Variants in PALMD observed in about 807,000 individuals in gnomAD.
PALMD encodes the protein paralemmin-like protein.
In PALMD, 42 loss-of-function variants were observed where a neutral mutation model predicts 56.2. The observed-to-expected ratio is 0.75, with a 90% CI of 0.58 to 0.97. The LOEUF is 0.97. Among genes scored for constraint, PALMD ranks in the 50% least tolerant of loss-of-function variants. The probability of loss-of-function intolerance (pLI) is 0.00; values close to 1 mark genes in which losing one functional copy is unlikely to be tolerated. For missense variants in PALMD, 660 were observed against 643.8 expected, an observed-to-expected ratio of 1.03 and a Z score of -0.27; for synonymous variants, 242 against 222.9, an observed-to-expected ratio of 1.09 and a Z score of -0.76.
Position 99,686,660 on chromosome 1 carries a change from AC to A in PALMD, c.252-14del. 3 of 1,311,656 alleles carry A rather than the reference AC, an allele frequency of 2.3e-6. No individual in the cohort carries two copies. The highest frequency in any genetic ancestry group is 2.4e-5 in the South Asian group (2 of 81,664). 81.3% of individuals were successfully genotyped at this position (1,311,656 alleles called of 1,614,324 possible). On this transcript the variant is annotated splice_polypyrimidine_tract_variant and intron_variant, in intron 3 of 7. Transcript: ENST00000263174. ...TACTGTGTTAAGCAATAAAAAGTAT[AC>A]CTTTTTGTTGTCAGGCTTGAGAAAG...
At chr1:99,683,050 AAGAAAGAGAGAGAG>A (rs1224973136) in intron 3 of PALMD, among the ~76,000 whole-genome samples, 1 of 15,394 alleles carries the variant, frequency 6.5e-5, no homozygotes, top group African/African-American at 5.7e-4. Flanking sequence ...GAAAGAAAGA[AAGAAAGAGAGAGAG>A]AGAGAGAGAG....
chr1:99,657,465 G>T (rs1358482559), intron 1 of PALMD, among the ~76,000 whole-genome samples: 2 of 152,124 alleles, frequency 1.3e-5, no homozygotes, highest in Admixed American at 6.5e-5. Context: ...CCTGCCCTCT[G>T]CTCCTTCTTG....
In PALMD at chr1:99,694,489, T is replaced by G. The variant is rs1003726967; in HGVS notation, c.*427T>G. 1 of 156,436 alleles carries G rather than the reference T, an allele frequency of 6.4e-6. No homozygotes were observed. Among genetic ancestry groups the G allele is most frequent in the East Asian group, 1.9e-4 (1 of 5,316 alleles). 9.7% of individuals were successfully genotyped at this position (156,436 alleles called of 1,614,324 possible). The stretch of plus-strand genomic sequence containing the variant: ...TATTCAACTCTGACAAATAAATATG[T>G]CATCCTGAATTAATAATGCCTTAAT... On this transcript the variant is annotated 3_prime_UTR_variant, in exon 8 of 8. Coordinates refer to ENST00000263174, the MANE Select transcript of PALMD (RefSeq NM_017734.5).
At chr1:99,654,885 G>A (rs1407197594) in intron 1 of PALMD, among the ~76,000 whole-genome samples, 1 of 152,018 alleles carries the variant, frequency 6.6e-6, no homozygotes, top group Admixed American at 6.6e-5. Context: ...TGGGTTTTCA[G>A]TTTTGTTTCT....
chr1:99,661,417 G>A (rs999513365), intron 1 of PALMD, among the ~76,000 whole-genome samples: 22 of 152,156 alleles, frequency 1.4e-4, no homozygotes, highest in African/African-American at 5.3e-4. Flanking sequence ...TTTATTTAAT[G>A]TTATTAAATA....
rs745396135 is a variant in PALMD, at chr1:99,667,783, G to T, written c.251+17G>T. ...TATCCTCAGGTATGGCCCTCACTGAGATACTCCACAACTACCTTTATTTTG... is the reference window on the plus strand; with the variant it reads ...TATCCTCAGGTATGGCCCTCACTGATATACTCCACAACTACCTTTATTTTG... On this transcript the variant is annotated intron_variant, in intron 3 of 7. Coordinates refer to ENST00000263174, the MANE Select transcript of PALMD (RefSeq NM_017734.5). 6.2e-7 allele frequency: 1 copy of T among 1,609,332 alleles called. No homozygotes were observed. The highest frequency in any genetic ancestry group is 8.5e-7 in the Non-Finnish European group (1 of 1,176,120).
intron 7 of PALMD, among the ~76,000 whole-genome samples, chr1:99,690,802 A>T (rs1370761864): frequency 6.6e-6 from 1 of 152,140 alleles, no homozygotes; most frequent in East Asian, 1.9e-4. Flanking sequence ...TAATGGAAGG[A>T]TTCTCATTAA....
chr1:99,650,170 C>A (rs569755266), intron 1 of PALMD, among the ~76,000 whole-genome samples: 14 of 151,574 alleles, frequency 9.2e-5, no homozygotes, highest in African/African-American at 3.4e-4. Flanking sequence ...TAAAAATAAT[C>A]ACAAGTACAA....
intron 3 of PALMD, among the ~76,000 whole-genome samples, chr1:99,675,508 A>G (rs971008146): frequency 5.9e-5 from 9 of 152,176 alleles, no homozygotes; most frequent in African/African-American, 2.2e-4. Flanking sequence ...GCTGGGTACA[A>G]GTCAAATTAT....
At chr1:99,688,740 TAACTA>T in intron 6 of PALMD, 30 bp from the exon 7 acceptor site, 1 of 1,440,502 alleles carries the variant, frequency 6.9e-7, no homozygotes, top group Non-Finnish European at 9.4e-7. Flanking sequence ...AAAGAAAAGT[TAACTA>T]AATCAAAGAT....
In PALMD at chr1:99,683,058, G is replaced by GAA. The variant is rs1271225136; in HGVS notation, c.252-3617_252-3616insAA. Among the ~76,000 whole-genome samples the GAA allele has an allele frequency of 1.7e-3, 32 of 18,328 alleles. 4 individuals carry two copies. The highest frequency in any genetic ancestry group is 0.011 in the East Asian group (8 of 714). 12.0% of individuals were successfully genotyped at this position (18,328 alleles called of 152,430 possible). A position where few individuals can be genotyped will look rare whatever the true frequency, so the allele number is the denominator to read the frequency against. On this transcript the variant is annotated intron_variant, in intron 3 of 7. Transcript: ENST00000263174. Reference sequence around the variant, plus strand: ...AAAGAAAGAAAGAAAGAAAGAAAGAGAGAGAGAGAGAGAGAGAGAGAGAGA... The same window carrying GAA: ...AAAGAAAGAAAGAAAGAAAGAAAGAGAAAGAGAGAGAGAGAGAGAGAGAGAGA...
Position 99,694,248 on chromosome 1 carries a change from C to A in PALMD, c.*186C>A, listed in dbSNP as rs1653727621. The A allele has an allele frequency of 2.1e-6, 1 of 471,398 alleles. No homozygotes were observed. Among genetic ancestry groups the A allele is most frequent in the Non-Finnish European group, 3.8e-6 (1 of 260,388 alleles). 29.2% of individuals were successfully genotyped at this position (471,398 alleles called of 1,614,324 possible). The stretch of plus-strand genomic sequence containing the variant: ...AAAATTCCCAAAAAGCTGGGGAAAA[C>A]AAATGTGTAACTTTTCCAGTTACTT... On this transcript the variant is annotated 3_prime_UTR_variant, in exon 8 of 8. Transcript: ENST00000263174.
chr1:99,678,001 A>C (rs1314207182), intron 3 of PALMD, among the ~76,000 whole-genome samples: 1 of 152,182 alleles, frequency 6.6e-6, no homozygotes, highest in Non-Finnish European at 1.5e-5. Flanking sequence ...CTAAAGTTGC[A>C]GATCAAACAC....
intron 3 of PALMD, among the ~76,000 whole-genome samples, chr1:99,683,082 GAGAGAGAGAAAGAAAGAAAGAAAGAA>G (rs1357893309): frequency 0.012 from 239 of 19,806 alleles, 2 homozygotes; most frequent in Middle Eastern, 0.04. Flanking sequence ...GAGAGAGAGA[GAGAGAGAGAAAGAAAGAAAGAAAGAA>G]AGAAAGAAAG....
At chr1:99,683,120 A>G (rs540378361) in intron 3 of PALMD, 1 of 121,542 alleles carries the variant, frequency 8.2e-6, no homozygotes, top group East Asian at 2.2e-4. Flanking sequence ...GAAAGAAAGA[A>G]AGAAAGAAAG....
intron 3 of PALMD, among the ~76,000 whole-genome samples, chr1:99,678,565 G>C (rs535114994): frequency 7.2e-5 from 11 of 152,250 alleles, no homozygotes; most frequent in Non-Finnish European, 1.6e-4. Context: ...ATTAAGCCAA[G>C]TGTATTAGCT....
At chr1:99,686,279 G>A (rs41285726) in intron 3 of PALMD, 2,750 of 153,230 alleles carry the variant, frequency 0.018, 33 homozygotes, top group Non-Finnish European at 0.028. Context: ...TGATGACTTG[G>A]ATATGAAAAC....
At chr1:99,673,814 C>T (rs992353616) in intron 3 of PALMD, among the ~76,000 whole-genome samples, 10 of 152,142 alleles carry the variant, frequency 6.6e-5, no homozygotes, top group East Asian at 1.9e-4. Context: ...CCTAGTACAA[C>T]GCCTAGCACA....
At position 99,689,459 on chromosome 1, in the gene PALMD, T is replaced by C; in HGVS notation, c.1199T>C (p.Val400Ala). ...GAGGAAGATGTCAGATATAATATCG[T>C]TCATTCCCTGCCTCCAGACATAAAT... The part of the protein sequence containing the change: ...EDEEDVRYNI[V>A]HSLPPDINDT... Residue 400 changes from valine (V) to alanine (A), a missense_variant, in exon 7 of 8, where the codon GTT (valine) becomes GCT (alanine). Coordinates refer to ENST00000263174, the MANE Select transcript of PALMD (RefSeq NM_017734.5). 6.2e-7 allele frequency: 1 copy of C among 1,613,732 alleles called. No homozygotes were observed. The highest frequency in any genetic ancestry group is 8.5e-7 in the Non-Finnish European group (1 of 1,179,816).
Sources: gnomAD v4.1 joint callset for allele counts (sites outside exome capture counted in the v4.1 genomes callset) on GRCh38, gnomAD v4.1.1 for gene constraint, MANE v1.5 for transcripts, NCBI Gene and HGNC (gene_info 2026-07-23, HGNC 2026-07-21) for gene names.